The following SKAP2 variants were observed in gnomAD, a reference collection of about 807,000 sequenced individuals.
SKAP2 encodes src kinase associated phosphoprotein 2, also known as src kinase-associated phosphoprotein 2.
A neutral mutation model predicts 54.9 loss-of-function variants in SKAP2; 28 were observed. That is an observed-to-expected ratio of 0.51 (90% CI 0.38 to 0.70). The LOEUF is 0.70. SKAP2 is among the 30% of genes least tolerant of loss of function. SKAP2 has a pLI of 0.00. For missense variants in SKAP2, 356 were observed against 424.1 expected (o/e 0.84, Z 1.41); for synonymous variants, 137 against 134.3 (o/e 1.02, Z -0.14).
intron 4 of SKAP2, among the ~76,000 whole-genome samples, chr7:26,782,863 T>C (rs1042279632): frequency 2.0e-5 from 3 of 152,286 alleles, no homozygotes; most frequent in Non-Finnish European, 2.9e-5. Context: ...ACCAGACATC[T>C]TGATTTGAAC....
intron 4 of SKAP2, among the ~76,000 whole-genome samples, chr7:26,828,530 A>G (rs1784539377): frequency 6.6e-6 from 1 of 150,620 alleles, no homozygotes; most frequent in African/African-American, 2.4e-5. Context: ...ACAAAAAATT[A>G]GCCGGGCGTG....
intron 4 of SKAP2, among the ~76,000 whole-genome samples, chr7:26,798,173 T>C (rs1294992931): frequency 6.6e-6 from 1 of 151,880 alleles, no homozygotes; most frequent in Non-Finnish European, 1.5e-5. Context: ...AAGAAAGGAC[T>C]TTAAAAACAG....
chr7:26,659,735 A>AAT, the SKAP2 span, among the ~76,000 whole-genome samples: 3 of 151,934 alleles, frequency 2.0e-5, no homozygotes, highest in African/African-American at 4.8e-5. Flanking sequence ...TATAGTTTTA[A>AAT]ATATATATAT....
At chr7:26,804,772 C>T (rs889650615) in intron 4 of SKAP2, among the ~76,000 whole-genome samples, 2 of 148,374 alleles carry the variant, frequency 1.3e-5, no homozygotes, top group African/African-American at 4.9e-5. Context: ...ATTTTTAATG[C>T]AGGAATAAAT....
intron 4 of SKAP2, among the ~76,000 whole-genome samples, chr7:26,797,203 A>G (rs1327900449): frequency 3.3e-5 from 5 of 152,194 alleles, no homozygotes; most frequent in Admixed American, 3.3e-4. Context: ...CAGGGCCTCG[A>G]GCTAAAATAG....
chr7:26,823,104 C>T (rs1200000033), intron 4 of SKAP2, among the ~76,000 whole-genome samples: 1 of 151,928 alleles, frequency 6.6e-6, no homozygotes, highest in South Asian at 2.1e-4. Flanking sequence ...AAAAGTGCTA[C>T]TCCAGTGAAC....
At chr7:26,861,443 G>A (rs541757053) in intron 1 of SKAP2, among the ~76,000 whole-genome samples, 45 of 152,020 alleles carry the variant, frequency 3.0e-4, no homozygotes, top group Admixed American at 5.2e-4. Context: ...TTTCAACAAC[G>A]AAATTCTGTA....
intron 4 of SKAP2, among the ~76,000 whole-genome samples, chr7:26,802,622 C>T (rs1229053700): frequency 2.6e-5 from 4 of 152,056 alleles, no homozygotes. Flanking sequence ...GTAGCACACG[C>T]CTGTAATCCT....
At chr7:26,816,080 T>TA (rs753114683) in intron 4 of SKAP2, among the ~76,000 whole-genome samples, 4 of 152,254 alleles carry the variant, frequency 2.6e-5, no homozygotes, top group Non-Finnish European at 5.9e-5. Flanking sequence ...ATCTCATGGC[T>TA]AAATAACTGA....
chr7:26,836,274 T>C (rs139204746), intron 4 of SKAP2, among the ~76,000 whole-genome samples: 3 of 152,264 alleles, frequency 2.0e-5, no homozygotes, highest in East Asian at 3.9e-4. Context: ...ATTCAGTACA[T>C]AGGCATGGGC....
intron 11 of SKAP2, among the ~76,000 whole-genome samples, chr7:26,683,830 C>G (rs529496403): frequency 9.2e-4 from 139 of 150,984 alleles, no homozygotes; most frequent in Non-Finnish European, 1.6e-3. Flanking sequence ...CATACTATCT[C>G]TCTGAAAAGT....
At chr7:26,801,841 A>C (rs1783921737) in intron 4 of SKAP2, among the ~76,000 whole-genome samples, 1 of 152,246 alleles carries the variant, frequency 6.6e-6, no homozygotes, top group African/African-American at 2.4e-5. Flanking sequence ...ATACTTATAA[A>C]GAAAATTGAA....
At chr7:26,710,764 A>C (rs1787283593) in intron 9 of SKAP2, among the ~76,000 whole-genome samples, 1 of 152,158 alleles carries the variant, frequency 6.6e-6, no homozygotes, top group South Asian at 2.1e-4. Context: ...AGGACTTAAG[A>C]AACTTCTGAA....
intron 4 of SKAP2, among the ~76,000 whole-genome samples, chr7:26,802,921 A>G (rs1211159368): frequency 6.6e-6 from 1 of 152,076 alleles, no homozygotes; most frequent in Non-Finnish European, 1.5e-5. Context: ...TCCATATGGG[A>G]AAGAATGAAA....
At chr7:26,797,093 T>C (rs1584395120) in intron 4 of SKAP2, among the ~76,000 whole-genome samples, 1 of 152,354 alleles carries the variant, frequency 6.6e-6, no homozygotes, top group East Asian at 1.9e-4. Flanking sequence ...CCCTAATTCC[T>C]GGATGGTACT....
intron 4 of SKAP2, among the ~76,000 whole-genome samples, chr7:26,811,975 A>C (rs968005909): frequency 6.6e-6 from 1 of 152,144 alleles, no homozygotes; most frequent in Non-Finnish European, 1.5e-5. Context: ...TCACATCCTA[A>C]CTTTGGGAAT....
chr7:26,780,335 A>G (rs921689151), intron 4 of SKAP2, among the ~76,000 whole-genome samples: 1 of 152,140 alleles, frequency 6.6e-6, no homozygotes, highest in African/African-American at 2.4e-5. Context: ...TGCTTCTGTC[A>G]TCTGTCTCTC....
At chr7:26,763,227 C>T (rs2127971703) in intron 4 of SKAP2, among the ~76,000 whole-genome samples, 1 of 151,770 alleles carries the variant, frequency 6.6e-6, no homozygotes, top group Non-Finnish European at 1.5e-5. Context: ...CCAAGATTTT[C>T]CACATAAGAA....
At chr7:26,690,407 G>T in intron 9 of SKAP2, 45 bp from the exon 10 acceptor site, 1 of 1,228,422 alleles carries the variant, frequency 8.1e-7, no homozygotes, top group Non-Finnish European at 1.2e-6. Flanking sequence ...GTTTTCTCAG[G>T]GATAACACTA....
Sources: gnomAD v4.1 joint callset for allele counts (sites outside exome capture counted in the v4.1 genomes callset) on GRCh38, gnomAD v4.1.1 for gene constraint, MANE v1.5 for transcripts, NCBI Gene and HGNC (gene_info 2026-07-23, HGNC 2026-07-21) for gene names.